The following FGF23 variants were observed in gnomAD, a reference collection of about 807,000 sequenced individuals.
FGF23 encodes the protein fibroblast growth factor 23.
In FGF23, 8 loss-of-function variants were observed where a neutral mutation model predicts 9.0. The observed-to-expected ratio is 0.89, with a 90% CI of 0.52 to 1.60. The LOEUF is 1.60. FGF23 is among the 40% of genes most tolerant of loss of function. The pLI is 0.00. For synonymous variants in FGF23, 118 were observed against 146.2 expected, an observed-to-expected ratio of 0.81 and a Z score of 1.39; for missense variants, 311 against 344.3, an observed-to-expected ratio of 0.90 and a Z score of 0.77.
In FGF23 at chr12:4,370,510, C is replaced by G; in HGVS notation, c.589G>C (p.Ala197Pro). The change falls in exon 3 of 3, where the codon GCC becomes CCC. Residue 197 changes from alanine (A) to proline (P), a missense_variant. By Grantham distance (27) the Ala-to-Pro change is conservative. Coordinates refer to ENST00000237837, the MANE Select transcript of FGF23 (RefSeq NM_020638.3). ...GAGGCCGGGGCCGGGGTCATCCGGG[C>G]CCGGGGCTTCAGCACGTTCAGGGGG... Reference protein sequence around the residue: ...RDPLNVLKPRARMTPAPASCS... With the variant: ...RDPLNVLKPRPRMTPAPASCS... 1 of 1,611,614 alleles carries G rather than the reference C, an allele frequency of 6.2e-7. No individual in the cohort carries two copies. Among genetic ancestry groups the G allele is most frequent in the East Asian group, 2.2e-5 (1 of 44,790 alleles).
At chr12:4,376,639 A>T (rs965584739) in intron 1 of FGF23, among the ~76,000 whole-genome samples, 1 of 151,992 alleles carries the variant, frequency 6.6e-6, no homozygotes, top group Non-Finnish European at 1.5e-5. Flanking sequence ...CTTCTGCCTC[A>T]GCCTCCCAAG....
intron 2 of FGF23, among the ~76,000 whole-genome samples, chr12:4,371,394 A>G (rs944443755): frequency 2.6e-5 from 4 of 152,218 alleles, no homozygotes; most frequent in African/African-American, 4.8e-5. Flanking sequence ...TTAGTTATCT[A>G]TATTTCAATA....
Position 4,370,752 on chromosome 12 carries a change from T to C in FGF23, c.347A>G (p.Gln116Arg). 3.7e-6 allele frequency: 6 copies of C among 1,614,102 alleles called. No homozygotes were observed. The highest frequency in any genetic ancestry group is 5.1e-6 in the Non-Finnish European group (6 of 1,180,020). Residue 116 changes from glutamine to arginine, a missense_variant, in exon 3 of 3, where the codon CAA becomes CGA. Gln to Arg is a conservative substitution (Grantham distance 43). Coordinates refer to ENST00000237837, the MANE Select transcript of FGF23 (RefSeq NM_020638.3). Reference sequence around the variant, plus strand: ...GTACCCGTTTTCCAGCGTCTGGTGTTGGAACCTGCAGTTCTCCGGGTCGAA... The same window carrying C: ...GTACCCGTTTTCCAGCGTCTGGTGTCGGAACCTGCAGTTCTCCGGGTCGAA... ...HYFDPENCRFQHQTLENGYDV... is the reference protein window; with the variant it reads ...HYFDPENCRFRHQTLENGYDV...
rs183802802 is a variant in FGF23, at chr12:4,368,457, G to T, written c.*1886C>A. 377 of 183,078 alleles carry T rather than the reference G, an allele frequency of 2.1e-3. 1 individual carries two copies. The highest frequency in any genetic ancestry group is 0.01 in the Middle Eastern group (5 of 490). 11.3% of individuals were successfully genotyped at this position (183,078 alleles called of 1,614,324 possible). On this transcript the variant is annotated 3_prime_UTR_variant, in exon 3 of 3. Coordinates refer to ENST00000237837, the MANE Select transcript of FGF23 (RefSeq NM_020638.3). ...CAAAGAGGATAAGCTAACAGAAGCT[G>T]AGATAAATTTTATTTTTATTTTAAA...
chr12:4,369,362 A>G lies in FGF23; in HGVS notation c.*981T>C, dbSNP rs1272490207. On this transcript the variant is annotated 3_prime_UTR_variant, in exon 3 of 3. Coordinates refer to ENST00000237837, the MANE Select transcript of FGF23 (RefSeq NM_020638.3). ...CTCTCAAAGCCCCCTTCCCAGTCAC[A>G]TTTTTGTAGTTTGTTCAGAATGGAT... The G allele has an allele frequency of 1.7e-5, 4 of 231,566 alleles. No individual in the cohort carries two copies. Among genetic ancestry groups the G allele is most frequent in the Non-Finnish European group, 3.4e-5 (4 of 117,056 alleles). 14.3% of individuals were successfully genotyped at this position (231,566 alleles called of 1,614,324 possible). A position where few individuals can be genotyped will look rare whatever the true frequency, so the allele number is the denominator to read the frequency against.
chr12:4,372,491 G>T, intron 2 of FGF23, 103 bp downstream of exon 2: 1 of 766,166 alleles, frequency 1.3e-6, no homozygotes, highest in Non-Finnish European at 2.3e-6. Context: ...AGGTCACCAG[G>T]GTACACTGCA....
At chr12:4,378,262 ATAAT>A (rs1865139512) in intron 1 of FGF23, among the ~76,000 whole-genome samples, 1 of 152,220 alleles carries the variant, frequency 6.6e-6, no homozygotes, top group South Asian at 2.1e-4. Context: ...CACAGCAAAA[ATAAT>A]TAATTTATTT....
intron 1 of FGF23, among the ~76,000 whole-genome samples, chr12:4,376,863 C>CT (rs1031714795): frequency 3.3e-5 from 5 of 151,282 alleles, no homozygotes; most frequent in Non-Finnish European, 5.9e-5. Flanking sequence ...TTTTCCTGCA[C>CT]TTTTTTTTTC....
Position 4,370,398 on chromosome 12 carries a change from G to C in FGF23, c.701C>G (p.Thr234Arg), listed in dbSNP as rs1414743251. ...TTCCGGGCCCGTTCCCCCAGCGTGC[G>C]TGTTCACTCGACCGCCCCTGACCAC... The part of the protein sequence containing the change: ...LGVVRGGRVN[T>R]HAGGTGPEGC... Residue 234 changes from threonine to arginine, a missense_variant, in exon 3 of 3, where the codon ACG becomes AGG. By Grantham distance (71) the Thr-to-Arg change is moderately conservative. Coordinates refer to ENST00000237837, the MANE Select transcript of FGF23 (RefSeq NM_020638.3). 1 of 1,613,746 alleles carries C rather than the reference G, an allele frequency of 6.2e-7. No homozygotes were observed. The highest frequency in any genetic ancestry group is 8.5e-7 in the Non-Finnish European group (1 of 1,180,000).
intron 1 of FGF23, 66 bp from the exon 2 acceptor site, chr12:4,372,763 G>GA: frequency 9.5e-7 from 1 of 1,049,346 alleles, no homozygotes; most frequent in Non-Finnish European, 1.5e-6. Flanking sequence ...AGCACCTCCT[G>GA]AAAACCTACC....
intron 1 of FGF23, among the ~76,000 whole-genome samples, chr12:4,376,584 C>T (rs569641101): frequency 2.6e-5 from 4 of 152,004 alleles, no homozygotes; most frequent in Admixed American, 1.3e-4. Context: ...CACAGTGGTG[C>T]GATCTCAGCT....
In FGF23 at chr12:4,370,411, C is replaced by T. The variant is rs753345321; in HGVS notation, c.688G>A (p.Gly230Ser). 7.4e-6 allele frequency: 12 copies of T among 1,613,620 alleles called. No individual in the cohort carries two copies. Among genetic ancestry groups the T allele is most frequent in the African/African-American group, 4.0e-5 (3 of 74,900 alleles). Residue 230 changes from glycine (G) to serine (S), a missense_variant, in exon 3 of 3, where the codon GGT (glycine) becomes AGT (serine). Around this residue, in one of 3 missense-constraint regions of FGF23, gnomAD observed 206 missense variants for 219.2 expected, o/e 0.94. Transcript: ENST00000237837. Reference protein sequence around the residue: ...ASDPLGVVRGGRVNTHAGGTG... With the variant: ...ASDPLGVVRGSRVNTHAGGTG... ...CCCCCAGCGTGCGTGTTCACTCGAC[C>T]GCCCCTGACCACCCCTAATGGGTCA... is the stretch of plus-strand genomic sequence containing the variant.
At chr12:4,375,620 C>T (rs1380862088) in intron 1 of FGF23, among the ~76,000 whole-genome samples, 2 of 152,164 alleles carry the variant, frequency 1.3e-5, no homozygotes, top group African/African-American at 4.8e-5. Context: ...CCTTCAATGA[C>T]GGAGGTGTCT....
At position 4,369,104 on chromosome 12, in the gene FGF23, G is replaced by A; in HGVS notation, c.*1239C>T. The A allele has an allele frequency of 8.7e-6, 2 of 230,096 alleles. No homozygotes were observed. The highest frequency in any genetic ancestry group is 8.6e-6 in the Non-Finnish European group (1 of 116,154). 14.3% of individuals were successfully genotyped at this position (230,096 alleles called of 1,614,324 possible). A position where few individuals can be genotyped will look rare whatever the true frequency, so the allele number is the denominator to read the frequency against. On this transcript the variant is annotated 3_prime_UTR_variant, in exon 3 of 3. Coordinates refer to ENST00000237837, the MANE Select transcript of FGF23 (RefSeq NM_020638.3). ...CATTTAATGCACCAAGAATTTCCAA[G>A]GGGATTGAGACCCAGATGTGTCAGC...
chr12:4,372,547 T>G, intron 2 of FGF23, 47 bp downstream of exon 2: 1 of 1,160,952 alleles, frequency 8.6e-7, no homozygotes, highest in Non-Finnish European at 1.3e-6. Context: ...TCAAAGAAAT[T>G]AGGTTAATTG....
At position 4,370,371 on chromosome 12, in the gene FGF23, C is replaced by G; in HGVS notation, c.728G>C (p.Gly243Ala). The G allele has an allele frequency of 1.2e-6, 2 of 1,613,664 alleles. No homozygotes were observed. Among genetic ancestry groups the G allele is most frequent in the Non-Finnish European group, 1.7e-6 (2 of 1,180,012 alleles). ...NTHAGGTGPE[G>A]CRPFAKFI ...GATGAACTTGGCGAAGGGGCGGCAG[C>G]CTTCCGGGCCCGTTCCCCCAGCGTG... Residue 243 changes from glycine (G) to alanine (A), a missense_variant, in exon 3 of 3, where the codon GGC (glycine) becomes GCC (alanine). Physicochemically the swap from Gly to Ala is moderately conservative, Grantham distance 60. This residue lies in a region of FGF23 where 206 missense variants were observed against 219.2 expected (regional missense o/e 0.94). Transcript: ENST00000237837.
intron 1 of FGF23, among the ~76,000 whole-genome samples, chr12:4,374,399 C>T (rs990929195): frequency 6.6e-6 from 1 of 152,164 alleles, no homozygotes; most frequent in African/African-American, 2.4e-5. Context: ...CCTGTAATCC[C>T]AGCACTCTGG....
At chr12:4,374,620 A>T (rs918359138) in intron 1 of FGF23, among the ~76,000 whole-genome samples, 1 of 150,258 alleles carries the variant, frequency 6.7e-6, no homozygotes, top group Non-Finnish European at 1.5e-5. Flanking sequence ...ACTGCACTCC[A>T]GCCTGGGCGA....
chr12:4,379,634 C>G lies in FGF23; in HGVS notation c.-52G>C. 6.8e-7 allele frequency: 1 copy of G among 1,469,784 alleles called. No homozygotes were observed. Among genetic ancestry groups the G allele is most frequent in the Non-Finnish European group, 9.2e-7 (1 of 1,081,552 alleles). 91.0% of individuals were successfully genotyped at this position (1,469,784 alleles called of 1,614,324 possible). ...TGAGATTGAAACCTGACACTCCTGT[C>G]GGGACTCTCCTGGCCCAGGCCTTAC... is the stretch of plus-strand genomic sequence containing the variant. On this transcript the variant is annotated 5_prime_UTR_variant, in exon 1 of 3. Transcript: ENST00000237837.
Sources: allele counts gnomAD v4.1 joint callset (sites outside exome capture counted in the v4.1 genomes callset), GRCh38; gene constraint gnomAD v4.1.1; regional missense constraint gnomAD v4.1.1; transcripts MANE v1.5; gene names NCBI Gene and HGNC (gene_info 2026-07-23, HGNC 2026-07-21).